The following IL23A variants were observed in gnomAD, a reference collection of about 807,000 sequenced individuals.
IL23A encodes interleukin 23 subunit alpha.
Under a neutral mutation model 20.7 loss-of-function variants are expected in IL23A, and 16 were observed. The ratio of observed to expected loss-of-function variants is 0.77; its 90% CI spans 0.52 to 1.17. IL23A has a LOEUF of 1.17. Among genes scored for constraint, IL23A ranks in the 50% most tolerant of loss-of-function variants. The pLI is 0.00. For missense variants in IL23A, 175 were observed against 229.5 expected, an observed-to-expected ratio of 0.76 and a Z score of 1.53; for synonymous variants, 80 against 88.7, an observed-to-expected ratio of 0.90 and a Z score of 0.55.
Position 56,339,965 on chromosome 12 carries a change from C to T in IL23A, c.431C>T (p.Thr144Ile), listed in dbSNP as rs868102687. The change falls in exon 4 of 4, where the codon ACT (threonine) becomes ATT (isoleucine). Residue 144 changes from threonine to isoleucine, a missense_variant. Thr to Ile is a moderately conservative substitution (Grantham distance 89, BLOSUM62 -1). Transcript: ENST00000228534. ...CAGCCTGAGGGTCACCACTGGGAGA[C>T]TCAGCAGATTCCAAGCCTCAGTCCC... ...LLQPEGHHWE[T>I]QQIPSLSPSQ... is the part of the protein sequence containing the mutation. The T allele has an allele frequency of 3.1e-6, 5 of 1,614,186 alleles. No individual in the cohort carries two copies. The Middle Eastern group carries it at 8.2e-4, about 266-fold the overall frequency.
chr12:56,340,314 G>C lies in IL23A; in HGVS notation c.*210G>C, dbSNP rs1342673117. On this transcript the variant is annotated 3_prime_UTR_variant, in exon 4 of 4. Transcript: ENST00000228534. ...TATTAGATGGGAAGGGAAATTTGGG[G>C]ATTATTTATCCTCCTGGGGACAGTT... 7.4e-6 allele frequency: 4 copies of C among 543,948 alleles called. No individual in the cohort carries two copies. Among genetic ancestry groups the C allele is most frequent in the East Asian group, 3.1e-5 (1 of 32,736 alleles). 33.7% of individuals were successfully genotyped at this position (543,948 alleles called of 1,614,324 possible).
chr12:56,339,065 A>G lies in IL23A; in HGVS notation c.21A>G (p.Val7=), dbSNP rs1876393938. Residue 7 remains valine, a synonymous_variant, in exon 1 of 4, where the codon GTA becomes GTG. Coordinates refer to ENST00000228534, the MANE Select transcript of IL23A (RefSeq NM_016584.3). MLGSRA[V]MLLLLLPWTA... ...AAAAGATGCTGGGGAGCAGAGCTGT[A>G]ATGCTGCTGTTGCTGCTGCCCTGGA... is the stretch of plus-strand genomic sequence containing the variant. 2.8e-6 allele frequency: 4 copies of G among 1,437,920 alleles called. No homozygotes were observed. In the East Asian group the frequency reaches 9.7e-5, roughly 35 times the overall value. The allele number at this position is 1,437,920 out of a possible 1,614,324, so 89.1% of individuals were successfully genotyped here. A position where few individuals can be genotyped will look rare whatever the true frequency, so the allele number is the denominator to read the frequency against.
chr12:56,338,969 A>G lies in IL23A; in HGVS notation c.-76A>G. 1 of 1,228,282 alleles carries G rather than the reference A, an allele frequency of 8.1e-7. No homozygotes were observed. 76.1% of individuals were successfully genotyped at this position (1,228,282 alleles called of 1,614,324 possible). On this transcript the variant is annotated 5_prime_UTR_variant, in exon 1 of 4. Coordinates refer to ENST00000228534, the MANE Select transcript of IL23A (RefSeq NM_016584.3). Reference sequence around the variant, plus strand: ...AACAGAGAGAATCAGGCTCAAAGCAAGTGGAAGTGGGCAGAGATTCCACCA... The same window carrying G: ...AACAGAGAGAATCAGGCTCAAAGCAGGTGGAAGTGGGCAGAGATTCCACCA...
chr12:56,340,168 A>G lies in IL23A; in HGVS notation c.*64A>G. 4 of 1,526,998 alleles carry G rather than the reference A, an allele frequency of 2.6e-6. No homozygotes were observed. Among genetic ancestry groups the G allele is most frequent in the Non-Finnish European group, 3.6e-6 (4 of 1,123,526 alleles). The allele number at this position is 1,526,998 out of a possible 1,614,324, so 94.6% of individuals were successfully genotyped here. A position where few individuals can be genotyped will look rare whatever the true frequency, so the allele number is the denominator to read the frequency against. ...CCAGCAAGGCCAAGATAAATCTACC[A>G]CCCCAGGCACCTGTGAGCCAACAGG... On this transcript the variant is annotated 3_prime_UTR_variant, in exon 4 of 4. Coordinates refer to ENST00000228534, the MANE Select transcript of IL23A (RefSeq NM_016584.3).
rs1271629321 is a variant in IL23A at position 56,339,447 on chromosome 12, G to T, written c.184G>T (p.Glu62Ter). 1.2e-6 allele frequency: 2 copies of T among 1,611,052 alleles called. No individual in the cohort carries two copies. The highest frequency in any genetic ancestry group is 1.7e-6 in the Non-Finnish European group (2 of 1,177,204). The change falls in exon 2 of 4, where the codon GAA (glutamate) becomes TAA (stop). Residue 62 changes from glutamate (E) to a stop codon, truncating the protein, a stop_gained. Coordinates refer to ENST00000228534, the MANE Select transcript of IL23A (RefSeq NM_016584.3). LOFTEE classifies it high-confidence loss of function. ...CCAGGATCTAAGAGAAGAGGGAGAT[G>T]AAGAGACTACAAATGATGTTCCCCA... ...GHMDLREEGD[E>*]ETTNDVPHIQ... is the part of the protein sequence containing the mutation.
Position 56,339,051 on chromosome 12 carries a change from G to A in IL23A, c.7G>A (p.Gly3Arg). Residue 3 changes from glycine to arginine, a missense_variant, in exon 1 of 4, where the codon GGG becomes AGG. Coordinates refer to ENST00000228534, the MANE Select transcript of IL23A (RefSeq NM_016584.3). Reference sequence around the variant, plus strand: ...TTGAGAAGAAGGCAAAAAGATGCTGGGGAGCAGAGCTGTAATGCTGCTGTT... The same window carrying A: ...TTGAGAAGAAGGCAAAAAGATGCTGAGGAGCAGAGCTGTAATGCTGCTGTT... Reference protein sequence around the residue: MLGSRAVMLLLLL... With the variant: MLRSRAVMLLLLL... The A allele has an allele frequency of 1.4e-6, 2 of 1,393,980 alleles. No homozygotes were observed. Among genetic ancestry groups the A allele is most frequent in the Non-Finnish European group, 1.9e-6 (2 of 1,063,986 alleles). 86.4% of individuals were successfully genotyped at this position (1,393,980 alleles called of 1,614,324 possible).
In IL23A at chr12:56,340,195, T is replaced by G; in HGVS notation, c.*91T>G. On this transcript the variant is annotated 3_prime_UTR_variant, in exon 4 of 4. Transcript: ENST00000228534. ...CCCAGGCACCTGTGAGCCAACAGGTTAATTAGTCCATTAATTTTAGTGGGA... is the reference window on the plus strand; with the variant it reads ...CCCAGGCACCTGTGAGCCAACAGGTGAATTAGTCCATTAATTTTAGTGGGA... The G allele has an allele frequency of 7.6e-7, 1 of 1,314,946 alleles. No homozygotes were observed. The highest frequency in any genetic ancestry group is 1.1e-6 in the Non-Finnish European group (1 of 950,990). The allele number at this position is 1,314,946 out of a possible 1,614,324, so 81.5% of individuals were successfully genotyped here.
chr12:56,340,068 G>A lies in IL23A; in HGVS notation c.534G>A (p.Arg178=). 6.2e-7 allele frequency: 1 copy of A among 1,614,188 alleles called. No homozygotes were observed. Residue 178 remains arginine, a synonymous_variant, in exon 4 of 4, where the codon CGG becomes CGA. Coordinates refer to ENST00000228534, the MANE Select transcript of IL23A (RefSeq NM_016584.3). ...SLQAFVAVAA[R]VFAHGAATLS... is the part of the protein sequence containing the mutation. The stretch of plus-strand genomic sequence containing the variant: ...AGGCCTTTGTGGCTGTAGCCGCCCG[G>A]GTCTTTGCCCATGGAGCAGCAACCC...
chr12:56,339,535 G>A lies in IL23A; in HGVS notation c.261+11G>A, dbSNP rs776021749. ...AGGGACAACAGTCAGGTACCACTGG[G>A]ATGTGGCTGGGCAATGAAGGAGAGG... On this transcript the variant is annotated intron_variant, in intron 2 of 3. Coordinates refer to ENST00000228534, the MANE Select transcript of IL23A (RefSeq NM_016584.3). 1 of 1,599,454 alleles carries A rather than the reference G, an allele frequency of 6.3e-7. No individual in the cohort carries two copies. The highest frequency in any genetic ancestry group is 2.2e-5 in the East Asian group (1 of 44,816).
Position 56,339,170 on chromosome 12 carries a change from A to C in IL23A, c.126A>C (p.Thr42=), listed in dbSNP as rs781117953. 1.3e-6 allele frequency: 2 copies of C among 1,566,662 alleles called. No homozygotes were observed. Among genetic ancestry groups the C allele is most frequent in the African/African-American group, 1.4e-5 (1 of 73,298 alleles). The part of the protein sequence containing the change: ...QCQQLSQKLC[T]LAWSAHPLVG... ...AGCAGCTTTCACAGAAGCTCTGCAC[A>C]CTGGCCTGGAGTGCACATCCACTAG... is the stretch of plus-strand genomic sequence containing the variant. Residue 42 remains threonine (T), a synonymous_variant, in exon 1 of 4, where the codon ACA becomes ACC. Transcript: ENST00000228534.
At chr12:56,339,276 T>C in intron 1 of IL23A, 70 bp downstream of exon 1, 1 of 1,498,704 alleles carries the variant, frequency 6.7e-7, no homozygotes, top group African/African-American at 1.4e-5. Flanking sequence ...ACCGTGACCT[T>C]GAGTGGAAGC....
At position 56,339,762 on chromosome 12, in the gene IL23A, G is replaced by A. The variant is rs2136024462; in HGVS notation, c.333G>A (p.Gly111=). The A allele has an allele frequency of 6.2e-7, 1 of 1,614,038 alleles. No homozygotes were observed. Among genetic ancestry groups the A allele is most frequent in the Non-Finnish European group, 8.5e-7 (1 of 1,179,980 alleles). Residue 111 remains glycine, a synonymous_variant, in exon 3 of 4, where the codon GGG becomes GGA. Transcript: ENST00000228534. ...TGCTAGGATCGGATATTTTCACAGG[G>A]GAGCCTTCTCTGCTCCCTGATAGCC... The part of the protein sequence containing the change: ...EKLLGSDIFT[G]EPSLLPDSPV...
chr12:56,338,910 G>A lies in IL23A; in HGVS notation c.-135G>A. ...ACAGGAAGCAGCTTACAAACTCGGT[G>A]AACAACTGAGGGAACCAAACCAGAG... On this transcript the variant is annotated 5_prime_UTR_variant, in exon 1 of 4. Transcript: ENST00000228534. The A allele has an allele frequency of 1.6e-6, 1 of 622,008 alleles. No homozygotes were observed. The highest frequency in any genetic ancestry group is 2.4e-6 in the Non-Finnish European group (1 of 420,872). 38.5% of individuals were successfully genotyped at this position (622,008 alleles called of 1,614,324 possible). A position where few individuals can be genotyped will look rare whatever the true frequency, so the allele number is the denominator to read the frequency against.
chr12:56,339,890 G>T, intron 3 of IL23A, 53 bp downstream of exon 3: 1 of 1,610,694 alleles, frequency 6.2e-7, no homozygotes, highest in Non-Finnish European at 8.5e-7. Flanking sequence ...GAGACAGAGG[G>T]TTGGGGGTTA....
At position 56,339,804 on chromosome 12, in the gene IL23A, T is replaced by C. The variant is rs772379441; in HGVS notation, c.375T>C (p.His125=). Residue 125 remains histidine, a synonymous_variant, in exon 3 of 4, where the codon CAT becomes CAC. Coordinates refer to ENST00000228534, the MANE Select transcript of IL23A (RefSeq NM_016584.3). The part of the protein sequence containing the change: ...LLPDSPVGQL[H]ASLLGLSQLL... The stretch of plus-strand genomic sequence containing the variant: ...CTGATAGCCCTGTGGGCCAGCTTCA[T>C]GCCTCCCTACTGGGCCTCAGCCAAC... 2 of 1,613,736 alleles carry C rather than the reference T, an allele frequency of 1.2e-6. No homozygotes were observed. The highest frequency in any genetic ancestry group is 1.7e-5 in the Admixed American group (1 of 59,932).
Position 56,338,984 on chromosome 12 carries a change from A to C in IL23A, c.-61A>C. ...GCTCAAAGCAAGTGGAAGTGGGCAG[A>C]GATTCCACCAGGACTGGTGCAAGGC... On this transcript the variant is annotated 5_prime_UTR_variant, in exon 1 of 4. Transcript: ENST00000228534. 7.7e-7 allele frequency: 1 copy of C among 1,293,942 alleles called. No homozygotes were observed. The highest frequency in any genetic ancestry group is 1.0e-6 in the Non-Finnish European group (1 of 998,042). The allele number at this position is 1,293,942 out of a possible 1,614,324, so 80.2% of individuals were successfully genotyped here. A position where few individuals can be genotyped will look rare whatever the true frequency, so the allele number is the denominator to read the frequency against.
At position 56,340,060 on chromosome 12, in the gene IL23A, G is replaced by T; in HGVS notation, c.526G>T (p.Ala176Ser). The T allele has an allele frequency of 6.2e-7, 1 of 1,614,180 alleles. No homozygotes were observed. Among genetic ancestry groups the T allele is most frequent in the Non-Finnish European group, 8.5e-7 (1 of 1,180,052 alleles). The change falls in exon 4 of 4, where the codon GCC becomes TCC. Residue 176 changes from alanine (A) to serine (S), a missense_variant. Transcript: ENST00000228534. ...LRSLQAFVAV[A>S]ARVFAHGAAT... The stretch of plus-strand genomic sequence containing the variant: ...CAGCCTCCAGGCCTTTGTGGCTGTA[G>T]CCGCCCGGGTCTTTGCCCATGGAGC...
At position 56,339,499 on chromosome 12, in the gene IL23A, C is replaced by T. The variant is rs1261346702; in HGVS notation, c.236C>T (p.Pro79Leu). 1 of 1,612,476 alleles carries T rather than the reference C, an allele frequency of 6.2e-7. No individual in the cohort carries two copies. The highest frequency in any genetic ancestry group is 2.2e-5 in the East Asian group (1 of 44,870). The stretch of plus-strand genomic sequence containing the variant: ...ATCCAGTGTGGAGATGGCTGTGACC[C>T]CCAAGGACTCAGGGACAACAGTCAG... ...PHIQCGDGCD[P>L]QGLRDNSQFC... Residue 79 changes from proline (P) to leucine (L), a missense_variant, in exon 2 of 4, where the codon CCC becomes CTC. Transcript: ENST00000228534.
At chr12:56,339,322 C>A in intron 1 of IL23A, 104 bp from the exon 2 acceptor site, 1 of 1,379,696 alleles carries the variant, frequency 7.2e-7, no homozygotes, top group Non-Finnish European at 1.0e-6. Flanking sequence ...TAAGAGAGGA[C>A]AAGAGAGTAG....
Sources: gnomAD v4.1 joint callset for allele counts on GRCh38, gnomAD v4.1.1 for gene constraint, MANE v1.5 for transcripts, NCBI Gene and HGNC (gene_info 2026-07-23, HGNC 2026-07-21) for gene names.